The following CEACAM18 variants were observed in gnomAD, a reference collection of about 807,000 sequenced individuals.
The protein encoded by CEACAM18 is cell adhesion molecule CEACAM18.
Under a neutral mutation model 34.3 loss-of-function variants are expected in CEACAM18, and 33 were observed. The observed-to-expected ratio is 0.96, with a 90% CI of 0.73 to 1.29. The LOEUF (loss-of-function observed/expected upper bound fraction) is 1.29. CEACAM18 is among the 50% of genes most tolerant of loss of function. The probability of loss-of-function intolerance (pLI) is 0.00; values close to 1 mark genes in which losing one functional copy is unlikely to be tolerated. For synonymous variants in CEACAM18, 169 were observed against 180.9 expected, an observed-to-expected ratio of 0.93 and a Z score of 0.53; for missense variants, 474 against 485.0, an observed-to-expected ratio of 0.98 and a Z score of 0.21.
chr19:51,490,420 G>A (rs111577258), intron 5 of CEACAM18, among the ~76,000 whole-genome samples, 167 bp from the exon 6 acceptor site: 1,590 of 152,184 alleles, frequency 0.01, 26 homozygotes, highest in African/African-American at 0.036. Context: ...AGGACTCTCG[G>A]TGCAGAGGTG....
At chr19:51,483,025 G>A (rs772876360) in exon 4 of CEACAM18, 46 of 1,613,740 alleles carry the variant, frequency 2.9e-5, no homozygotes, top group Non-Finnish European at 3.7e-5. Flanking sequence ...AGATGGGCCC[G>A]ACTATGTGCT....
intron 5 of CEACAM18, among the ~76,000 whole-genome samples, chr19:51,488,993 C>T (rs1267031765): frequency 1.3e-5 from 2 of 151,464 alleles, no homozygotes; most frequent in Non-Finnish European, 2.9e-5. Context: ...TTTGTGATCC[C>T]TAAAAGTATA....
At chr19:51,484,259 G>A (rs1018609888) in intron 4 of CEACAM18, among the ~76,000 whole-genome samples, 2 of 151,762 alleles carry the variant, frequency 1.3e-5, no homozygotes, top group African/African-American at 2.4e-5. Context: ...CCAAGTCATC[G>A]ATTCACATTT....
intron 4 of CEACAM18, among the ~76,000 whole-genome samples, chr19:51,484,059 C>T (rs779700325): frequency 3.9e-5 from 6 of 152,112 alleles, no homozygotes; most frequent in Admixed American, 6.5e-5. Flanking sequence ...TCCATCGTTC[C>T]GAGACTCAGT....
chr19:51,486,527 G>C (rs1328475107), intron 5 of CEACAM18, among the ~76,000 whole-genome samples: 1 of 151,270 alleles, frequency 6.6e-6, no homozygotes. Flanking sequence ...GCAGCCGATG[G>C]AACTACTTGA....
At chr19:51,490,675 T>A (rs1990075113) in exon 6 of CEACAM18, 8 of 1,211,234 alleles carry the variant, frequency 6.6e-6, no homozygotes, top group Non-Finnish European at 7.2e-6. Flanking sequence ...GGAGAAGGGC[T>A]GGGGGTCCCC....
At chr19:51,480,795 T>A in intron 2 of CEACAM18, 115 bp downstream of exon 2, 2 of 945,384 alleles carry the variant, frequency 2.1e-6, no homozygotes, top group Non-Finnish European at 3.2e-6. Context: ...GGAGCCGCCC[T>A]GGAATCTTGT....
intron 5 of CEACAM18, among the ~76,000 whole-genome samples, chr19:51,485,510 G>C (rs1424544195): frequency 6.6e-6 from 1 of 152,176 alleles, no homozygotes; most frequent in African/African-American, 2.4e-5. Context: ...ACTATGCAGG[G>C]AGAAGAGATT....
chr19:51,478,604 C>G (rs192964426), upstream of CEACAM18: 1 of 1,565,910 alleles, frequency 6.4e-7, no homozygotes, highest in Non-Finnish European at 8.7e-7. Context: ...GGCTGTGTCT[C>G]TGGAGGGACC....
exon 1 of CEACAM18, chr19:51,478,630 C>T (rs747044053): frequency 6.4e-7 from 1 of 1,570,888 alleles, no homozygotes; most frequent in Non-Finnish European, 8.6e-7. Flanking sequence ...TCCTGGAGGA[C>T]CCCAGGCAGC....
intron 2 of CEACAM18, among the ~76,000 whole-genome samples, chr19:51,480,976 C>T (rs540394760): frequency 6.6e-6 from 1 of 152,260 alleles, no homozygotes; most frequent in Admixed American, 6.5e-5. Context: ...TGGGGAGGAA[C>T]CCACCATTGT....
chr19:51,483,417 G>T (rs1437335237), intron 4 of CEACAM18, 121 bp downstream of exon 4: 1 of 1,234,490 alleles, frequency 8.1e-7, no homozygotes, highest in Non-Finnish European at 1.2e-6. Flanking sequence ...TCAACCTCTG[G>T]GTGAAATCTC....
intron 3 of CEACAM18, among the ~76,000 whole-genome samples, chr19:51,482,804 T>A (rs1989938872): frequency 6.6e-6 from 1 of 152,204 alleles, no homozygotes; most frequent in Admixed American, 6.5e-5. Context: ...TATTACAATG[T>A]AAATGGCACC....
At chr19:51,483,319 T>C in intron 4 of CEACAM18, 23 bp downstream of exon 4, 1 of 1,613,186 alleles carries the variant, frequency 6.2e-7, no homozygotes, top group Non-Finnish European at 8.5e-7. Context: ...CCCTCCAGGC[T>C]CATGCTTTGC....
At chr19:51,480,644 G>A in exon 2 of CEACAM18, 1 of 1,613,438 alleles carries the variant, frequency 6.2e-7, no homozygotes, top group Non-Finnish European at 8.5e-7. Flanking sequence ...TGCAGGCAAT[G>A]AGACCCAAAG....
chr19:51,489,009 C>G (rs1990046456), intron 5 of CEACAM18, among the ~76,000 whole-genome samples: 1 of 151,274 alleles, frequency 6.6e-6, no homozygotes, highest in Non-Finnish European at 1.5e-5. Flanking sequence ...GTATAATGGG[C>G]CTTAGTGCTT....
intron 3 of CEACAM18, among the ~76,000 whole-genome samples, chr19:51,482,628 T>C (rs1989935252): frequency 1.3e-5 from 2 of 152,168 alleles, no homozygotes; most frequent in African/African-American, 4.8e-5. Context: ...AAAGTCCTAA[T>C]CCTCTCCTCC....
At chr19:51,485,950 G>C (rs1049738300) in intron 5 of CEACAM18, among the ~76,000 whole-genome samples, 3 of 152,220 alleles carry the variant, frequency 2.0e-5, no homozygotes, top group Non-Finnish European at 4.4e-5. Context: ...TGCCCTGGTT[G>C]AGAGTCAGTG....
chr19:51,489,297 T>C (rs978094983), intron 5 of CEACAM18, among the ~76,000 whole-genome samples: 3 of 151,634 alleles, frequency 2.0e-5, no homozygotes, highest in African/African-American at 7.3e-5. Context: ...GGGCCTCTGA[T>C]GAACAAAAGA....
Sources: gnomAD v4.1 joint callset for allele counts (sites outside exome capture counted in the v4.1 genomes callset) on GRCh38, gnomAD v4.1.1 for gene constraint, MANE v1.5 for transcripts, NCBI Gene and HGNC (gene_info 2026-07-23, HGNC 2026-07-21) for gene names.